Variants in SRBD1 observed in about 807,000 individuals in gnomAD.
SRBD1 encodes the protein S1 RNA binding domain 1.
A neutral mutation model predicts 115.3 loss-of-function variants in SRBD1; 88 were observed. The ratio of observed to expected loss-of-function variants is 0.76; its 90% confidence interval spans 0.64 to 0.91. The LOEUF is 0.91. SRBD1 is among the 40% of genes least tolerant of loss of function. SRBD1 has a pLI of 0.00. For synonymous variants in SRBD1, 509 were observed against 407.7 expected (o/e 1.25, Z -2.99); for missense variants, 1,385 against 1,177.4 (o/e 1.18, Z -2.58).
At chr2:45,417,117 A>G (rs988443048) in intron 18 of SRBD1, among the ~76,000 whole-genome samples, 3 of 152,132 alleles carry the variant, frequency 2.0e-5, no homozygotes, top group Admixed American at 1.3e-4. Flanking sequence ...ATTTTTTTCA[A>G]TTGTGACTTC....
chr2:45,493,314 AT>A (rs1288864049), intron 14 of SRBD1, among the ~76,000 whole-genome samples: 2 of 152,228 alleles, frequency 1.3e-5, no homozygotes. Context: ...GTTCTGAAGT[AT>A]CAAAAGAATA....
At chr2:45,501,464 C>CCTTCA (rs1670627788) in intron 14 of SRBD1, among the ~76,000 whole-genome samples, 2 of 152,084 alleles carry the variant, frequency 1.3e-5, no homozygotes, top group Admixed American at 1.3e-4. Flanking sequence ...GTGCAGCCCA[C>CCTTCA]CAAGCGTGAG....
chr2:45,418,688 CAA>C, intron 17 of SRBD1, 147 bp from the exon 18 acceptor site: 1 of 341,532 alleles, frequency 2.9e-6, no homozygotes, highest in Non-Finnish European at 4.5e-6. Context: ...AAAAAAAAAA[CAA>C]AAAAAAAACG....
chr2:45,522,130 T>C (rs2103958084), intron 14 of SRBD1, among the ~76,000 whole-genome samples: 1 of 152,058 alleles, frequency 6.6e-6, no homozygotes, highest in African/African-American at 2.4e-5. Flanking sequence ...CAAAATATCG[T>C]ATAGATTGAG....
At chr2:45,400,907 A>G (rs1667275496) in intron 19 of SRBD1, among the ~76,000 whole-genome samples, 1 of 152,154 alleles carries the variant, frequency 6.6e-6, no homozygotes, top group Non-Finnish European at 1.5e-5. Flanking sequence ...AGTTAGGGGA[A>G]AGTTATGTCA....
intron 16 of SRBD1, among the ~76,000 whole-genome samples, chr2:45,469,387 T>A (rs918294103): frequency 2.7e-4 from 41 of 152,314 alleles, no homozygotes; most frequent in African/African-American, 9.9e-4. Context: ...ATGGATCTAG[T>A]TTCACTGCCA....
At position 45,553,609 on chromosome 2, in the gene SRBD1, G is replaced by A. The variant is rs1218711125; in HGVS notation, c.1517+14C>T. ...ATAATCAGTACACAAAATTAAACAA[G>A]ACAAGATATATACCTGAATTCTCTA... On this transcript the variant is annotated intron_variant, in intron 11 of 20. Transcript: ENST00000263736. 1 of 1,528,000 alleles carries A rather than the reference G, an allele frequency of 6.5e-7. No individual in the cohort carries two copies. The highest frequency in any genetic ancestry group is 1.2e-5 in the South Asian group (1 of 80,194). The allele number at this position is 1,528,000 out of a possible 1,614,324, so 94.7% of individuals were successfully genotyped here. A position where few individuals can be genotyped will look rare whatever the true frequency, so the allele number is the denominator to read the frequency against.
chr2:45,461,536 G>A (rs930170939), intron 16 of SRBD1, among the ~76,000 whole-genome samples: 1 of 152,048 alleles, frequency 6.6e-6, no homozygotes, highest in Non-Finnish European at 1.5e-5. Flanking sequence ...CTGCAAACTC[G>A]TTAGACAGAC....
chr2:45,537,796 C>A (rs545603796), intron 14 of SRBD1, among the ~76,000 whole-genome samples: 3 of 152,172 alleles, frequency 2.0e-5, no homozygotes, highest in Non-Finnish European at 4.4e-5. Flanking sequence ...TTCACATATG[C>A]TCCCAGAGTA....
chr2:45,552,436 T>A (rs540452168), intron 11 of SRBD1, among the ~76,000 whole-genome samples: 1 of 152,178 alleles, frequency 6.6e-6, no homozygotes, highest in East Asian at 1.9e-4. Flanking sequence ...TGATCCCACA[T>A]CAAACTGTTT....
chr2:45,498,965 G>A (rs571043382), intron 14 of SRBD1, among the ~76,000 whole-genome samples: 92 of 152,268 alleles, frequency 6.0e-4, no homozygotes, highest in African/African-American at 2.1e-3. Context: ...ATGGGAGTAC[G>A]ATACCTCTTC....
chr2:45,600,196 C>T (rs1302588489), intron 3 of SRBD1, among the ~76,000 whole-genome samples: 1 of 152,020 alleles, frequency 6.6e-6, no homozygotes, highest in African/African-American at 2.4e-5. Flanking sequence ...CATACATATA[C>T]ATACACATGA....
At chr2:45,485,809 T>C (rs1467897851) in intron 15 of SRBD1, among the ~76,000 whole-genome samples, 1 of 152,084 alleles carries the variant, frequency 6.6e-6, no homozygotes, top group African/African-American at 2.4e-5. Context: ...ACCCCTGGCA[T>C]CAATCACCAG....
chr2:45,531,758 T>A (rs1671618614), intron 14 of SRBD1, among the ~76,000 whole-genome samples: 1 of 151,656 alleles, frequency 6.6e-6, no homozygotes, highest in Non-Finnish European at 1.5e-5. Context: ...TACAGGAAAA[T>A]AAATATTCCG....
intron 10 of SRBD1, among the ~76,000 whole-genome samples, chr2:45,558,288 G>C (rs2344659): frequency 0.36 from 55,197 of 151,976 alleles, 11,030 homozygotes; most frequent in Non-Finnish European, 0.46. Context: ...AACATAGTGA[G>C]ATAATGTCTC....
At chr2:45,524,290 C>T (rs996463274) in intron 14 of SRBD1, among the ~76,000 whole-genome samples, 1 of 151,952 alleles carries the variant, frequency 6.6e-6, no homozygotes, top group Non-Finnish European at 1.5e-5. Context: ...TGCATTGAAG[C>T]TTCTAGCTAT....
intron 19 of SRBD1, among the ~76,000 whole-genome samples, chr2:45,395,410 T>C (rs930940076): frequency 2.6e-5 from 4 of 152,182 alleles, no homozygotes; most frequent in African/African-American, 9.6e-5. Flanking sequence ...AACTAACTAC[T>C]ACCAAAGTCA....
intron 16 of SRBD1, among the ~76,000 whole-genome samples, chr2:45,429,749 C>T (rs1668274123): frequency 6.6e-6 from 1 of 152,212 alleles, no homozygotes; most frequent in Non-Finnish European, 1.5e-5. Flanking sequence ...GATGCCCTCT[C>T]TCACCACTCC....
chr2:45,414,665 T>A lies in SRBD1; in HGVS notation c.2334-1372A>T, dbSNP rs146850415. Among the ~76,000 whole-genome samples the A allele has an allele frequency of 3.8e-3, 570 of 149,222 alleles. 19 individuals are homozygous for A. Among genetic ancestry groups the A allele is most frequent in the Admixed American group, 0.035 (522 of 15,064 alleles). On this transcript the variant is annotated intron_variant, in intron 18 of 20. Coordinates refer to ENST00000263736, the MANE Select transcript of SRBD1 (RefSeq NM_018079.5). Reference sequence around the variant, plus strand: ...TGTATATAGTATGCACATACACACATAGTGTATATAGTATGTATATACACA... The same window carrying A: ...TGTATATAGTATGCACATACACACAAAGTGTATATAGTATGTATATACACA...
Sources: allele counts gnomAD v4.1 joint callset (sites outside exome capture counted in the v4.1 genomes callset), GRCh38; gene constraint gnomAD v4.1.1; transcripts MANE v1.5; gene names NCBI Gene and HGNC (gene_info 2026-07-23, HGNC 2026-07-21).